Variants in MED15 observed in about 807,000 individuals in gnomAD.
The protein encoded by MED15 is mediator complex subunit 15, also known as mediator of RNA polymerase II transcription subunit 15.
MED15 carries 41 observed loss-of-function variants against 118.7 expected under a neutral mutation model. That is an observed-to-expected ratio of 0.35 (90% CI 0.27 to 0.45). The LOEUF is 0.45. Ranked by LOEUF, MED15 falls within the 20% of genes least tolerant of loss-of-function variation. The pLI is 1.00. For synonymous variants in MED15, 436 were observed against 413.9 expected (o/e 1.05, Z -0.65); for missense variants, 740 against 1,025.5 (o/e 0.72, Z 3.80).
At chr22:20,562,762 GCA>G in intron 5 of MED15, among the ~76,000 whole-genome samples, 1 of 152,212 alleles carries the variant, frequency 6.6e-6, no homozygotes, top group African/African-American at 2.4e-5. Flanking sequence ...ACTTGGCCAG[GCA>G]CAGTGACCCA....
At chr22:20,586,431 G>C in intron 17 of MED15, 137 bp from the exon 18 acceptor site, 1 of 1,293,024 alleles carries the variant, frequency 7.7e-7, no homozygotes, top group Non-Finnish European at 1.1e-6. Context: ...CCCAAAGGCC[G>C]GGCAGCGTGC....
intron 6 of MED15, among the ~76,000 whole-genome samples, chr22:20,565,992 C>G (rs568750597): frequency 6.6e-6 from 1 of 150,490 alleles, no homozygotes; most frequent in Non-Finnish European, 1.5e-5. Context: ...TGCCCCTCCC[C>G]GTGTGAGTGA....
In MED15 at chr22:20,564,812, G is replaced by C. The variant is rs1221551705; in HGVS notation, c.690+124G>C. ...GAGGGTTCTCTTGACACGTGTGCCT[G>C]CCCTTTTCCATGGGCTTCTCAAAAA... On this transcript the variant is annotated intron_variant, in intron 6 of 17. Coordinates refer to ENST00000263205, the MANE Select transcript of MED15 (RefSeq NM_001003891.3). 1.0e-5 allele frequency: 15 copies of C among 1,483,554 alleles called. No homozygotes were observed. The Admixed American group carries it at 2.7e-4, about 27-fold the overall frequency. The allele number at this position is 1,483,554 out of a possible 1,614,324, so 91.9% of individuals were successfully genotyped here.
chr22:20,524,324 A>C (rs1008005361), intron 1 of MED15: 5 of 152,276 alleles, frequency 3.3e-5, no homozygotes, highest in Non-Finnish European at 7.3e-5. Context: ...GTCCAAGGAC[A>C]GTGTGGGATG....
Position 20,584,345 on chromosome 22 carries a change from C to G in MED15, c.1737-14C>G. 1 of 1,612,716 alleles carries G rather than the reference C, an allele frequency of 6.2e-7. No individual in the cohort carries two copies. The highest frequency in any genetic ancestry group is 2.2e-5 in the East Asian group (1 of 44,872). ...GTCTTCCACTCTTTCAGCCCAAGTC[C>G]TCTCTCTCTGCAGGTGTCCCCTGAA... On this transcript the variant is annotated splice_polypyrimidine_tract_variant and intron_variant, in intron 13 of 17. Coordinates refer to ENST00000263205, the MANE Select transcript of MED15 (RefSeq NM_001003891.3).
At chr22:20,515,197 G>A (rs2054206435) in intron 1 of MED15, among the ~76,000 whole-genome samples, 1 of 152,204 alleles carries the variant, frequency 6.6e-6, no homozygotes, top group South Asian at 2.1e-4. Context: ...ACGTGCGGCA[G>A]GCATGCTATG....
chr22:20,570,814 G>A (rs2079096), intron 8 of MED15, among the ~76,000 whole-genome samples: 8,645 of 134,324 alleles, frequency 0.064, 593 homozygotes, highest in East Asian at 0.39. Flanking sequence ...TAGAGTGGCT[G>A]GAGTGCAGTG....
intron 5 of MED15, among the ~76,000 whole-genome samples, chr22:20,561,045 G>C (rs941009536): frequency 1.3e-5 from 2 of 151,890 alleles, no homozygotes; most frequent in African/African-American, 2.4e-5. Flanking sequence ...ATATTGATGA[G>C]GTTTATACTT....
chr22:20,539,002 C>T (rs940608171), intron 2 of MED15, among the ~76,000 whole-genome samples: 10 of 151,940 alleles, frequency 6.6e-5, no homozygotes, highest in South Asian at 2.1e-4. Context: ...CACCCAGCCA[C>T]GTACAATATA....
intron 9 of MED15, among the ~76,000 whole-genome samples, chr22:20,579,552 G>A (rs1000767289): frequency 2.0e-5 from 3 of 152,030 alleles, no homozygotes; most frequent in Non-Finnish European, 2.9e-5. Context: ...TGGGGATCGC[G>A]CAGTGCCGCC....
intron 1 of MED15, among the ~76,000 whole-genome samples, chr22:20,510,784 G>A (rs1448593740): frequency 6.6e-6 from 1 of 152,118 alleles, no homozygotes; most frequent in Non-Finnish European, 1.5e-5. Flanking sequence ...TAGATTTAGT[G>A]CACACAGAGA....
Position 20,524,048 on chromosome 22 carries a change from T to C in MED15, c.69-13069T>C, listed in dbSNP as rs1207386942. Among the ~76,000 whole-genome samples, 8 of 152,210 alleles carry C rather than the reference T, an allele frequency of 5.3e-5. No individual in the cohort carries two copies. The East Asian group carries it at 1.3e-3, about 26-fold the overall frequency. The stretch of plus-strand genomic sequence containing the variant: ...GGGTGGAGAGTTAAATTCTGAAGTA[T>C]ATATTTTTATCTTGTTAAAAAAACA... On this transcript the variant is annotated intron_variant, in intron 1 of 17. Transcript: ENST00000263205.
At chr22:20,586,476 C>T in intron 17 of MED15, 92 bp from the exon 18 acceptor site, 2 of 1,549,348 alleles carry the variant, frequency 1.3e-6, no homozygotes, top group South Asian at 1.2e-5. Flanking sequence ...CGGCCCGCGC[C>T]TGGGGCTACC....
intron 1 of MED15, chr22:20,518,914 G>A (rs1010151980): frequency 4.4e-6 from 2 of 450,716 alleles, no homozygotes; most frequent in South Asian, 1.6e-5. Flanking sequence ...GTGCAGTGGC[G>A]TGATTGTGGC....
At chr22:20,585,691 C>T (rs1000212055) in intron 16 of MED15, 37 bp from the exon 17 acceptor site, 1 of 1,595,850 alleles carries the variant, frequency 6.3e-7, no homozygotes, top group Non-Finnish European at 8.6e-7. Flanking sequence ...CAGGCCGGGG[C>T]TTGTCCAGGT....
chr22:20,566,622 C>T lies in MED15; in HGVS notation c.846C>T (p.Pro282=), dbSNP rs747440926. The change falls in exon 7 of 18, where the codon CCC becomes CCT. Residue 282 remains proline, a synonymous_variant. Coordinates refer to ENST00000263205, the MANE Select transcript of MED15 (RefSeq NM_001003891.3). ...CGATGCAGCAGCCACAGCCTCCGCC[C>T]TCCCAGGCTCTGCCCCAGCAGCTGC... is the stretch of plus-strand genomic sequence containing the variant. ...QPPMQQPQPP[P]SQALPQQLQQ... is the part of the protein sequence containing the mutation. 2.5e-6 allele frequency: 4 copies of T among 1,614,008 alleles called. No homozygotes were observed. Among genetic ancestry groups the T allele is most frequent in the South Asian group, 2.2e-5 (2 of 91,086 alleles).
chr22:20,582,771 T>G (rs764550532), intron 10 of MED15, 24 bp downstream of exon 10: 46 of 1,540,966 alleles, frequency 3.0e-5, no homozygotes, highest in Non-Finnish European at 3.8e-5. Context: ...GGGGTGCCCC[T>G]CCCCACCTGG....
At chr22:20,533,967 T>G (rs899480624) in intron 1 of MED15, among the ~76,000 whole-genome samples, 1 of 152,192 alleles carries the variant, frequency 6.6e-6, no homozygotes, top group East Asian at 1.9e-4. Flanking sequence ...AGTGTCTGTC[T>G]GGGGCCTGCC....
chr22:20,555,613 ACT>A (rs2055967772), intron 5 of MED15, among the ~76,000 whole-genome samples: 1 of 152,002 alleles, frequency 6.6e-6, no homozygotes, highest in African/African-American at 2.4e-5. Context: ...TGTGAAGGAG[ACT>A]CTGTGTCCTC....
Sources: allele counts gnomAD v4.1 joint callset (sites outside exome capture counted in the v4.1 genomes callset), GRCh38; gene constraint gnomAD v4.1.1; transcripts MANE v1.5; gene names NCBI Gene and HGNC (gene_info 2026-07-23, HGNC 2026-07-21).